Variants in TNFRSF8 observed in about 807,000 individuals in gnomAD.
The protein encoded by TNFRSF8 is tumor necrosis factor receptor superfamily member 8.
Under a neutral mutation model 70.8 loss-of-function variants are expected in TNFRSF8, and 26 were observed. The observed-to-expected ratio is 0.37, with a 90% CI of 0.27 to 0.51. TNFRSF8 has a LOEUF of 0.51. Ranked by LOEUF, TNFRSF8 falls within the 20% of genes least tolerant of loss-of-function variation. The pLI is 0.94. For synonymous variants in TNFRSF8, 356 were observed against 339.2 expected (o/e 1.05, Z -0.54); for missense variants, 720 against 807.9 (o/e 0.89, Z 1.32).
rs549353087 is a variant in TNFRSF8, at chr1:12,126,093, GCT to G, written c.1255+46_1255+47del. On this transcript the variant is annotated intron_variant, in intron 11 of 14. Transcript: ENST00000263932. ...CTTGGGGCCTTGGGGAGGACAGGTT[GCT>G]CTCTGCCAGCCTGGCCTGGGTTCTT... The G allele has an allele frequency of 5.9e-4, 952 of 1,612,538 alleles. 6 individuals are homozygous for G. In the African/African-American group the frequency reaches 0.011, roughly 19 times the overall value.
intron 4 of TNFRSF8, among the ~76,000 whole-genome samples, chr1:12,106,971 C>T (rs553497145): frequency 9.2e-5 from 14 of 152,232 alleles, no homozygotes; most frequent in Admixed American, 2.0e-4. Flanking sequence ...AGGCTTCCTG[C>T]TGGAGGGACT....
intron 3 of TNFRSF8, among the ~76,000 whole-genome samples, chr1:12,102,683 A>T (rs937512194): frequency 6.6e-6 from 1 of 151,880 alleles, no homozygotes; most frequent in Admixed American, 6.6e-5. Flanking sequence ...GCACCACCAC[A>T]CCTGGCTAAT....
intron 3 of TNFRSF8, among the ~76,000 whole-genome samples, chr1:12,100,849 C>T (rs1487715542): frequency 2.6e-5 from 4 of 152,058 alleles, no homozygotes; most frequent in Admixed American, 2.6e-4. Flanking sequence ...CCCAGCTACT[C>T]AGGTGGCTGA....
chr1:12,117,890 T>C (rs1371215105), intron 8 of TNFRSF8, among the ~76,000 whole-genome samples: 1 of 151,708 alleles, frequency 6.6e-6, no homozygotes, highest in African/African-American at 2.4e-5. Flanking sequence ...TTTATTCCAC[T>C]CTCCAGCTCC....
chr1:12,142,566 GGTGGC>G lies in TNFRSF8; in HGVS notation c.*36_*40del. On this transcript the variant is annotated 3_prime_UTR_variant, in exon 15 of 15. Transcript: ENST00000263932. The surrounding 1 kb of genome is among the most constrained non-coding windows in gnomAD (Gnocchi z 5.0). ...TGGGCTGGGGCTAGGAGGGCAGCAGGGTGGCCTCTGGGAGGCCAGGATGGCACTGT... is the reference window on the plus strand; with the variant it reads ...TGGGCTGGGGCTAGGAGGGCAGCAGGCTCTGGGAGGCCAGGATGGCACTGT... 6.5e-7 allele frequency: 1 copy of G among 1,546,202 alleles called. No homozygotes were observed. Among genetic ancestry groups the G allele is most frequent in the East Asian group, 2.4e-5 (1 of 40,888 alleles).
chr1:12,130,595 G>C (rs1398448009), intron 12 of TNFRSF8, among the ~76,000 whole-genome samples: 2 of 152,250 alleles, frequency 1.3e-5, no homozygotes, highest in South Asian at 4.1e-4. Flanking sequence ...ACAGGCCAGA[G>C]AGGGGAGGGG....
rs778203361 is a variant in TNFRSF8, at chr1:12,115,595, C to T, written c.812C>T (p.Thr271Met). 32 of 1,614,080 alleles carry T rather than the reference C, an allele frequency of 2.0e-5. No homozygotes were observed. The highest frequency in any genetic ancestry group is 9.3e-5 in the African/African-American group (7 of 74,924). The part of the protein sequence containing the change: ...SCSRDDLVEK[T>M]PCAWNSSRTC... ...CCCTTAGATGACCTTGTGGAGAAGA[C>T]GCCATGTGCATGGAACTCCTCCCGC... is the stretch of plus-strand genomic sequence containing the variant. The change falls in exon 8 of 15, where the codon ACG becomes ATG. Residue 271 changes from threonine to methionine, a missense_variant. Physicochemically the swap from Thr to Met is moderately conservative, Grantham distance 81. Transcript: ENST00000263932.
rs779428011 is a variant in TNFRSF8, at chr1:12,063,551, TC to T, written c.-45del. ...GTGGGCGCCGCGCGCTTCCCCCGCT[TC>T]CCAGGTGGGCGCCGGCCGCCAGGCC... is the stretch of plus-strand genomic sequence containing the variant. On this transcript the variant is annotated 5_prime_UTR_variant, in exon 1 of 15. Transcript: ENST00000263932. The surrounding 1 kb of genome is among the most constrained non-coding windows in gnomAD (Gnocchi z 7.2). 66 of 1,297,596 alleles carry T rather than the reference TC, an allele frequency of 5.1e-5. No individual in the cohort carries two copies. Among genetic ancestry groups the T allele is most frequent in the Non-Finnish European group, 6.3e-5 (64 of 1,017,184 alleles). 80.4% of individuals were successfully genotyped at this position (1,297,596 alleles called of 1,614,324 possible).
chr1:12,080,732 G>A (rs989800569), intron 1 of TNFRSF8, among the ~76,000 whole-genome samples: 7 of 151,888 alleles, frequency 4.6e-5, no homozygotes, highest in South Asian at 2.1e-4. Flanking sequence ...TAATTTTTTC[G>A]TATTTTTAGT....
chr1:12,081,048 G>A (rs953665231), intron 1 of TNFRSF8, among the ~76,000 whole-genome samples: 5 of 152,218 alleles, frequency 3.3e-5, no homozygotes, highest in Non-Finnish European at 4.4e-5. Flanking sequence ...AGAGCTAGCA[G>A]TGTGTAAAGG....
Position 12,110,018 on chromosome 1 carries a change from C to A in TNFRSF8, c.513-23C>A. On this transcript the variant is annotated intron_variant, in intron 5 of 14. Transcript: ENST00000263932. The surrounding 1 kb of genome is among the most constrained non-coding windows in gnomAD (Gnocchi z 4.0). ...TTGCCCCATTGGCAGAATTATCAGT[C>A]CCATCTCTGGCTTCTTCCCCAGTGG... 1 of 1,609,238 alleles carries A rather than the reference C, an allele frequency of 6.2e-7. No homozygotes were observed. The highest frequency in any genetic ancestry group is 1.1e-5 in the South Asian group (1 of 90,270).
In TNFRSF8 at chr1:12,123,351, C is replaced by A. The variant is rs1414241290; in HGVS notation, c.1014C>A (p.Thr338=). The change falls in exon 9 of 15, where the codon ACC becomes ACA. Residue 338 remains threonine, a synonymous_variant. Coordinates refer to ENST00000263932, the MANE Select transcript of TNFRSF8 (RefSeq NM_001243.5). The part of the protein sequence containing the change: ...PLGTQPDCNP[T]PENGEAPAST... Reference sequence around the variant, plus strand: ...GGACCCAGCCGGACTGCAACCCCACCCCAGAGAATGGCGAGGCGCCTGCCA... The same window carrying A: ...GGACCCAGCCGGACTGCAACCCCACACCAGAGAATGGCGAGGCGCCTGCCA... 3.7e-6 allele frequency: 6 copies of A among 1,613,008 alleles called. No individual in the cohort carries two copies. In the African/African-American group the frequency reaches 6.7e-5, roughly 18 times the overall value.
chr1:12,112,253 C>T lies in TNFRSF8; in HGVS notation c.793+239C>T, dbSNP rs1456636491. ...TGATTCAAGCATTGTGATCATTCCC[C>T]TTTTACAGAGGAGGAAACGGAGGCT... On this transcript the variant is annotated intron_variant, in intron 7 of 14. Coordinates refer to ENST00000263932, the MANE Select transcript of TNFRSF8 (RefSeq NM_001243.5). This position sits in a 1 kb window ranked among gnomAD's most constrained non-coding sequence, Gnocchi z 5.3. 6.6e-6 allele frequency among the ~76,000 whole-genome samples: 1 copy of T among 152,194 alleles called. No homozygotes were observed. The highest frequency in any genetic ancestry group is 2.4e-5 in the African/African-American group (1 of 41,462).
At chr1:12,117,475 C>A (rs150643055) in intron 8 of TNFRSF8, among the ~76,000 whole-genome samples, 297 of 152,254 alleles carry the variant, frequency 2.0e-3, no homozygotes, top group African/African-American at 7.0e-3. Flanking sequence ...GTAAAGCCCT[C>A]TTTACTTGGG....
At chr1:12,102,678 A>G (rs1219839288) in intron 3 of TNFRSF8, among the ~76,000 whole-genome samples, 1 of 151,520 alleles carries the variant, frequency 6.6e-6, no homozygotes, top group Non-Finnish European at 1.5e-5. Flanking sequence ...GGTGTGCACC[A>G]CCACACCTGG....
chr1:12,097,265 G>C, intron 3 of TNFRSF8, 48 bp downstream of exon 3: 1 of 1,439,862 alleles, frequency 6.9e-7, no homozygotes, highest in South Asian at 1.1e-5. Flanking sequence ...GGAGCATGAG[G>C]GGTCCTCAGA....
chr1:12,135,750 C>T (rs1642134494), intron 13 of TNFRSF8, 137 bp downstream of exon 13: 2 of 1,265,622 alleles, frequency 1.6e-6, no homozygotes, highest in Middle Eastern at 1.9e-4. Context: ...TCCCACAGTG[C>T]CCAGGGTGCA....
intron 4 of TNFRSF8, among the ~76,000 whole-genome samples, chr1:12,105,870 C>T (rs1163019612): frequency 6.4e-5 from 9 of 141,052 alleles, no homozygotes; most frequent in African/African-American, 1.3e-4. Context: ...ACCTGGGAGG[C>T]GGTGGTTGCA....
chr1:12,076,393 C>T (rs1451395172), intron 1 of TNFRSF8, among the ~76,000 whole-genome samples: 4 of 152,182 alleles, frequency 2.6e-5, no homozygotes, highest in African/African-American at 4.8e-5. Context: ...AGCTACCGTG[C>T]CCGGCCTCAG....
Sources: gnomAD v4.1 joint callset for allele counts (sites outside exome capture counted in the v4.1 genomes callset) on GRCh38, gnomAD v4.1.1 for gene constraint, Gnocchi (gnomAD v3.1) non-coding constraint, MANE v1.5 for transcripts, NCBI Gene and HGNC (gene_info 2026-07-23, HGNC 2026-07-21) for gene names.